MMP16: variants seen among roughly 807,000 people sequenced by gnomAD.
MMP16 encodes the protein matrix metalloproteinase-16.
In MMP16, 12 loss-of-function variants were observed where a neutral mutation model predicts 67.8. The observed-to-expected ratio is 0.18, with a 90% CI of 0.11 to 0.29. The LOEUF is 0.29. Among genes scored for constraint, MMP16 ranks in the 10% least tolerant of loss-of-function variants. The pLI is 1.00. For missense variants in MMP16, 475 were observed against 765.7 expected (o/e 0.62, Z 4.48); for synonymous variants, 249 against 255.9 (o/e 0.97, Z 0.26).
chr8:88,214,152 C>A (rs1809552805), intron 1 of MMP16, among the ~76,000 whole-genome samples: 1 of 152,156 alleles, frequency 6.6e-6, no homozygotes, highest in Non-Finnish European at 1.5e-5. Context: ...CTCTCCAGAA[C>A]TCCAGAAACA....
chr8:88,178,306 G>T (rs1385555271), intron 3 of MMP16, among the ~76,000 whole-genome samples: 2 of 152,004 alleles, frequency 1.3e-5, no homozygotes, highest in African/African-American at 4.8e-5. Context: ...TAGGCTAAGG[G>T]GTCTAATGAA....
intron 6 of MMP16, among the ~76,000 whole-genome samples, chr8:88,080,602 A>G (rs1321162287): frequency 2.0e-5 from 3 of 151,902 alleles, no homozygotes; most frequent in African/African-American, 7.3e-5. Flanking sequence ...CGCCCAGCTA[A>G]TTTTTGTATT....
intron 4 of MMP16, among the ~76,000 whole-genome samples, chr8:88,162,352 A>G (rs74365214): frequency 0.053 from 8,007 of 152,162 alleles, 282 homozygotes; most frequent in South Asian, 0.11. Flanking sequence ...TGTTTTTAAG[A>G]ACAAACATAT....
At chr8:88,097,067 C>T (rs973902702) in intron 6 of MMP16, among the ~76,000 whole-genome samples, 1 of 151,876 alleles carries the variant, frequency 6.6e-6, no homozygotes, top group Non-Finnish European at 1.5e-5. Flanking sequence ...TGGGCTCCTT[C>T]ACGTGGCAGA....
chr8:88,044,206 G>C lies in MMP16; in HGVS notation c.1490-2411C>G, dbSNP rs546956741. ...CATGCCTGTAATCCCAGCACTTTGG[G>C]AGGCCGAGGCAAGAGGATTGCTTGA... On this transcript the variant is annotated intron_variant, in intron 9 of 9. Transcript: ENST00000286614. Among the ~76,000 whole-genome samples, 256 of 152,312 alleles carry C rather than the reference G, an allele frequency of 1.7e-3. 2 individuals carry two copies. The highest frequency in any genetic ancestry group is 5.3e-3 in the African/African-American group (221 of 41,562).
chr8:88,287,925 A>G, intron 1 of MMP16, among the ~76,000 whole-genome samples: 1 of 152,344 alleles, frequency 6.6e-6, no homozygotes, highest in East Asian at 1.9e-4. Flanking sequence ...ACTGTAAATG[A>G]AAGAGTAAGA....
At position 88,033,132 on chromosome 8, in the gene MMP16, C is replaced by G. The variant is rs1438026706; in HGVS notation, c.*8329G>C. On this transcript the variant is annotated 3_prime_UTR_variant, in exon 10 of 10. Transcript: ENST00000286614. ...AGGAAAAAATTAGTTTCACAAGAAG[C>G]TATAAAATGTGTATTGTTTACCCAA... 1.3e-5 allele frequency: 2 copies of G among 151,880 alleles called. No individual in the cohort carries two copies. Among genetic ancestry groups the G allele is most frequent in the Non-Finnish European group, 2.9e-5 (2 of 67,908 alleles). The allele number at this position is 151,880 out of a possible 1,614,324, so 9.4% of individuals were successfully genotyped here.
chr8:88,149,687 C>A (rs1289001309), intron 4 of MMP16, among the ~76,000 whole-genome samples: 1 of 151,484 alleles, frequency 6.6e-6, no homozygotes, highest in Non-Finnish European at 1.5e-5. Flanking sequence ...ACAGAAAGGA[C>A]ATCCACACCA....
chr8:88,067,243 T>TAATC (rs1287704225), intron 7 of MMP16, among the ~76,000 whole-genome samples: 1 of 152,092 alleles, frequency 6.6e-6, no homozygotes, highest in Non-Finnish European at 1.5e-5. Context: ...TGCACTTGAT[T>TAATC]ATCAACGGGC....
At chr8:88,179,021 G>A (rs1422449961) in intron 3 of MMP16, among the ~76,000 whole-genome samples, 2 of 151,976 alleles carry the variant, frequency 1.3e-5, no homozygotes, top group Non-Finnish European at 2.9e-5. Flanking sequence ...AATACTAGGA[G>A]AAGAGAGAAA....
intron 1 of MMP16, among the ~76,000 whole-genome samples, chr8:88,250,017 A>G (rs571721652): frequency 6.6e-6 from 1 of 152,212 alleles, no homozygotes; most frequent in East Asian, 1.9e-4. Context: ...ACATAAGCAA[A>G]AACTCATCTC....
intron 7 of MMP16, 21 bp downstream of exon 7, chr8:88,074,584 A>G: frequency 1.2e-6 from 2 of 1,611,190 alleles, no homozygotes; most frequent in East Asian, 4.5e-5. Context: ...CAACATAGCC[A>G]GATATGGAAA....
intron 1 of MMP16, among the ~76,000 whole-genome samples, chr8:88,302,947 G>A (rs900265619): frequency 1.3e-5 from 2 of 152,166 alleles, no homozygotes; most frequent in Non-Finnish European, 2.9e-5. Context: ...CAAGAGAAGC[G>A]GTGAGTGATT....
chr8:88,135,854 C>T (rs1327744264), intron 4 of MMP16, among the ~76,000 whole-genome samples: 2 of 151,742 alleles, frequency 1.3e-5, no homozygotes, highest in Non-Finnish European at 1.5e-5. Flanking sequence ...GATGAGATTC[C>T]TATGGAACAG....
rs968822 is a variant in MMP16 at position 88,050,869 on chromosome 8, T to C, written c.1374-4085A>G. On this transcript the variant is annotated intron_variant, in intron 8 of 9. Transcript: ENST00000286614. ...TGCTTTTCTGTGCACCTATATTATA[T>C]GCCAGACTCATAGGATTCAGAGAGA... is the stretch of plus-strand genomic sequence containing the variant. Among the ~76,000 whole-genome samples the C allele has an allele frequency of 1.4e-4, 22 of 152,302 alleles. No individual in the cohort carries two copies. The South Asian group carries it at 3.7e-3, about 26-fold the overall frequency.
chr8:88,284,039 AC>A (rs555912833), intron 1 of MMP16, among the ~76,000 whole-genome samples: 100 of 152,310 alleles, frequency 6.6e-4, no homozygotes, highest in African/African-American at 2.3e-3. Context: ...TTGCCCCCAA[AC>A]ATCATCACCT....
At chr8:88,170,069 A>T (rs1284260000) in intron 3 of MMP16, among the ~76,000 whole-genome samples, 1 of 152,158 alleles carries the variant, frequency 6.6e-6, no homozygotes, top group Non-Finnish European at 1.5e-5. Flanking sequence ...AGAGATTTTG[A>T]GAAGTGGTTG....
At chr8:88,163,195 T>C (rs190949777) in intron 4 of MMP16, among the ~76,000 whole-genome samples, 2 of 152,172 alleles carry the variant, frequency 1.3e-5, no homozygotes, top group East Asian at 3.9e-4. Context: ...GAAAGCTAAC[T>C]CTCCAAGGTC....
At chr8:88,117,692 T>A (rs892167664) in intron 5 of MMP16, among the ~76,000 whole-genome samples, 1 of 63,798 alleles carries the variant, frequency 1.6e-5, no homozygotes, top group Non-Finnish European at 4.6e-5. Context: ...AAACTGACCT[T>A]TTTTTACAAA....
Sources: gnomAD v4.1 joint callset for allele counts (sites outside exome capture counted in the v4.1 genomes callset) on GRCh38, gnomAD v4.1.1 for gene constraint, MANE v1.5 for transcripts, NCBI Gene and HGNC (gene_info 2026-07-23, HGNC 2026-07-21) for gene names.